STK3: variants seen among roughly 807,000 people sequenced by gnomAD.
STK3 encodes the protein serine/threonine-protein kinase 3.
STK3 carries 41 observed loss-of-function variants against 58.0 expected under a neutral mutation model. That is an observed-to-expected ratio of 0.71 (90% CI 0.55 to 0.92). The LOEUF (loss-of-function observed/expected upper bound fraction) is 0.92. STK3 is among the 40% of genes least tolerant of loss of function. The pLI is 0.00. For missense variants in STK3, 479 were observed against 602.7 expected (o/e 0.79, Z 2.15); for synonymous variants, 170 against 191.0 (o/e 0.89, Z 0.91).
intron 3 of STK3, among the ~76,000 whole-genome samples, chr8:98,833,208 G>A (rs1835604804): frequency 6.6e-6 from 1 of 152,160 alleles, no homozygotes; most frequent in South Asian, 2.1e-4. Flanking sequence ...CTCAAAGTTG[G>A]GGGGTGCAGG....
chr8:98,815,411 T>C (rs1186537317), intron 1 of STK3, among the ~76,000 whole-genome samples: 2 of 152,244 alleles, frequency 1.3e-5, no homozygotes, highest in African/African-American at 4.8e-5. Context: ...GGTTAGGATC[T>C]TGAAATATCA....
At chr8:98,471,622 C>T (rs941496394) in intron 10 of STK3, among the ~76,000 whole-genome samples, 2 of 152,018 alleles carry the variant, frequency 1.3e-5, no homozygotes, top group Non-Finnish European at 2.9e-5. Context: ...AGTGGCTATA[C>T]GACTACTCCA....
At chr8:98,900,482 CATAT>C (rs1032261931) in intron 1 of STK3, among the ~76,000 whole-genome samples, 4 of 152,084 alleles carry the variant, frequency 2.6e-5, no homozygotes, top group Admixed American at 6.6e-5. Flanking sequence ...TCCAATCACA[CATAT>C]ATAGTTTCCC....
At chr8:98,629,135 A>G (rs1338655389) in intron 6 of STK3, among the ~76,000 whole-genome samples, 1 of 152,166 alleles carries the variant, frequency 6.6e-6, no homozygotes, top group African/African-American at 2.4e-5. Flanking sequence ...TTTGACTCAG[A>G]AAAGACTCAA....
intron 4 of STK3, among the ~76,000 whole-genome samples, chr8:98,744,844 T>G (rs1415140620): frequency 1.3e-5 from 2 of 151,836 alleles, no homozygotes; most frequent in Non-Finnish European, 2.9e-5. Flanking sequence ...AGGACAGGCT[T>G]ATAAGCCAGT....
chr8:98,487,687 C>T (rs1822374316), intron 10 of STK3, among the ~76,000 whole-genome samples: 2 of 152,144 alleles, frequency 1.3e-5, no homozygotes, highest in South Asian at 2.1e-4. Flanking sequence ...GCTCTAGTGG[C>T]TCCCCCTGTA....
At chr8:98,662,140 T>A (rs528106366) in intron 6 of STK3, among the ~76,000 whole-genome samples, 2 of 152,256 alleles carry the variant, frequency 1.3e-5, no homozygotes, top group Non-Finnish European at 2.9e-5. Context: ...GGTTGTACAT[T>A]GAGAGACCCA....
intron 6 of STK3, among the ~76,000 whole-genome samples, chr8:98,695,723 A>G (rs1381374321): frequency 6.6e-6 from 1 of 151,960 alleles, no homozygotes; most frequent in East Asian, 1.9e-4. Flanking sequence ...TTTTGGTACC[A>G]GTACCATGCT....
Position 98,809,833 on chromosome 8 carries a change from T to A in STK3, c.26+15682A>T, listed in dbSNP as rs1587678790. Among the ~76,000 whole-genome samples the A allele has an allele frequency of 3.3e-5, 5 of 152,224 alleles. No homozygotes were observed. The East Asian group carries it at 5.8e-4, about 18-fold the overall frequency. ...AAATATCTTGAGACCCTGCTTTCAATTCTTTTGGGTATTGCATTAATCCGT... is the reference window on the plus strand; with the variant it reads ...AAATATCTTGAGACCCTGCTTTCAAATCTTTTGGGTATTGCATTAATCCGT... On this transcript the variant is annotated intron_variant, in intron 1 of 10. Transcript: ENST00000419617.
intron 1 of STK3, among the ~76,000 whole-genome samples, chr8:98,792,256 G>T (rs1345210202): frequency 6.6e-6 from 1 of 152,176 alleles, no homozygotes; most frequent in Non-Finnish European, 1.5e-5. Context: ...ACCAAAATGC[G>T]ATTCCACCTT....
At chr8:98,565,538 T>A (rs540623977) in intron 8 of STK3, among the ~76,000 whole-genome samples, 1 of 152,154 alleles carries the variant, frequency 6.6e-6, no homozygotes, top group Non-Finnish European at 1.5e-5. Flanking sequence ...TTTCAATATG[T>A]ATATGCTTTT....
intron 1 of STK3, among the ~76,000 whole-genome samples, chr8:98,904,333 A>C (rs780518878): frequency 5.8e-4 from 89 of 152,224 alleles, no homozygotes; most frequent in Non-Finnish European, 9.4e-4. Flanking sequence ...AGGGGATGCC[A>C]GCATAATCCT....
At chr8:98,672,107 T>TTGTGCTATATGAA (rs1822874679) in intron 6 of STK3, among the ~76,000 whole-genome samples, 2 of 152,194 alleles carry the variant, frequency 1.3e-5, no homozygotes, top group Non-Finnish European at 2.9e-5. Flanking sequence ...TATTTCTTCA[T>TTGTGCTATATGAA]AGCACCATGA....
chr8:98,367,315 A>T (rs1817573789), downstream of STK3, among the ~76,000 whole-genome samples: 1 of 152,246 alleles, frequency 6.6e-6, no homozygotes, highest in South Asian at 2.1e-4. Flanking sequence ...TCCTGGCTTT[A>T]GAATCCCAGC....
chr8:98,822,618 T>C (rs998976495), intron 1 of STK3, among the ~76,000 whole-genome samples: 6 of 152,226 alleles, frequency 3.9e-5, no homozygotes, highest in Non-Finnish European at 7.3e-5. Flanking sequence ...TGAGGTAGGC[T>C]TTGATGGAAG....
chr8:98,465,248 C>T (rs1820377528), intron 10 of STK3, among the ~76,000 whole-genome samples: 1 of 152,160 alleles, frequency 6.6e-6, no homozygotes, highest in Non-Finnish European at 1.5e-5. Context: ...GGTCTCTCAG[C>T]TAGAGGTGCT....
intron 4 of STK3, among the ~76,000 whole-genome samples, chr8:98,732,513 A>C (rs1828283217): frequency 6.6e-6 from 1 of 152,244 alleles, no homozygotes; most frequent in African/African-American, 2.4e-5. Context: ...CTATCAACCA[A>C]GCATAAAAGC....
At chr8:98,697,859 T>C (rs913655067) in intron 6 of STK3, among the ~76,000 whole-genome samples, 1 of 152,162 alleles carries the variant, frequency 6.6e-6, no homozygotes. Context: ...GGTGGAGAGT[T>C]CTGTAGATGT....
At chr8:98,598,978 G>A (rs1189481661) in intron 6 of STK3, 1 of 825,248 alleles carries the variant, frequency 1.2e-6, no homozygotes, top group African/African-American at 1.9e-5. Context: ...CAGGAGATGT[G>A]GAAAGGGCTG....
Sources: gnomAD v4.1 joint callset for allele counts (sites outside exome capture counted in the v4.1 genomes callset) on GRCh38, gnomAD v4.1.1 for gene constraint, MANE v1.5 for transcripts, NCBI Gene and HGNC (gene_info 2026-07-23, HGNC 2026-07-21) for gene names.